Variants in DYNC1I1 observed in about 807,000 individuals in gnomAD.
DYNC1I1 encodes the protein cytoplasmic dynein 1 intermediate chain 1.
In DYNC1I1, 43 loss-of-function variants were observed where a neutral mutation model predicts 86.6. The ratio of observed to expected loss-of-function variants is 0.50; its 90% CI spans 0.39 to 0.64. DYNC1I1 has a LOEUF of 0.64. Ranked by LOEUF, DYNC1I1 falls within the 30% of genes least tolerant of loss-of-function variation. DYNC1I1 has a pLI of 0.00. For missense variants in DYNC1I1, 604 were observed against 788.8 expected, an observed-to-expected ratio of 0.77 and a Z score of 2.81; for synonymous variants, 262 against 283.7, an observed-to-expected ratio of 0.92 and a Z score of 0.77.
intron 14 of DYNC1I1, among the ~76,000 whole-genome samples, chr7:96,064,171 C>G (rs969048971): frequency 1.3e-5 from 2 of 151,272 alleles, no homozygotes. Flanking sequence ...CTTCTCCAGA[C>G]CAAACATATC....
chr7:95,924,954 C>A (rs1791705144), intron 6 of DYNC1I1, among the ~76,000 whole-genome samples: 2 of 152,184 alleles, frequency 1.3e-5, no homozygotes, highest in Non-Finnish European at 2.9e-5. Context: ...CCAAGGACAG[C>A]CCTCTGATCT....
At chr7:95,831,843 T>A (rs1218766620) in intron 5 of DYNC1I1, among the ~76,000 whole-genome samples, 1 of 151,882 alleles carries the variant, frequency 6.6e-6, no homozygotes. Flanking sequence ...TCAGGTAATT[T>A]GTAATTTTGC....
rs576336106 is a variant in DYNC1I1, at chr7:95,937,502, G to A, written c.491-40010G>A. 1.5e-3 allele frequency among the ~76,000 whole-genome samples: 203 copies of A among 138,568 alleles called. 1 individual carries two copies. In the Middle Eastern group the frequency reaches 0.017, roughly 12 times the overall value. 90.9% of individuals were successfully genotyped at this position (138,568 alleles called of 152,430 possible). ...ATGTATGGACCTTAATTTAATCTTC[G>A]TTCAAAAAAAAAAAAGCACCTATGA... is the stretch of plus-strand genomic sequence containing the variant. On this transcript the variant is annotated intron_variant, in intron 6 of 16. Transcript: ENST00000447467.
intron 1 of DYNC1I1, among the ~76,000 whole-genome samples, chr7:95,775,606 T>A (rs983350): frequency 0.34 from 51,156 of 152,116 alleles, 8,991 homozygotes; most frequent in South Asian, 0.51. Context: ...TTTTTGCCAG[T>A]TGATTGGTAA....
chr7:95,870,023 T>A, intron 6 of DYNC1I1, 25 bp downstream of exon 6: 1 of 1,586,438 alleles, frequency 6.3e-7, no homozygotes, highest in Non-Finnish European at 8.6e-7. Flanking sequence ...TGGCTTACTT[T>A]CCATATTATC....
intron 9 of DYNC1I1, among the ~76,000 whole-genome samples, chr7:95,992,642 C>T (rs928636617): frequency 1.5e-4 from 22 of 150,976 alleles, no homozygotes; most frequent in South Asian, 2.1e-4. Flanking sequence ...TTTTTTTTGA[C>T]GGAGTCTTAC....
At chr7:95,922,280 CATATTTCAAACGTT>C (rs1313055549) in intron 6 of DYNC1I1, among the ~76,000 whole-genome samples, 1 of 151,880 alleles carries the variant, frequency 6.6e-6, no homozygotes, top group African/African-American at 2.4e-5. Context: ...TATTTGGAAA[CATATTTCAAACGTT>C]ACTCTAGAGT....
rs1290258254 is a variant in DYNC1I1 at position 96,073,085 on chromosome 7, A to G, written c.1510-2972A>G. ...CAACCTACATGGTACTTTGATAACA[A>G]GTTCAATCAATCCTGATCAAGACTT... is the stretch of plus-strand genomic sequence containing the variant. On this transcript the variant is annotated intron_variant, in intron 14 of 16. Transcript: ENST00000447467. Among the ~76,000 whole-genome samples, 4 of 152,340 alleles carry G rather than the reference A, an allele frequency of 2.6e-5. No homozygotes were observed. In the East Asian group the frequency reaches 7.7e-4, roughly 29 times the overall value.
At chr7:95,822,145 A>G (rs1029355957) in intron 4 of DYNC1I1, among the ~76,000 whole-genome samples, 2 of 152,196 alleles carry the variant, frequency 1.3e-5, no homozygotes, top group African/African-American at 4.8e-5. Context: ...CCTAAGTTAC[A>G]CTTTCAACAG....
At chr7:96,080,520 T>C (rs1171912454) in intron 16 of DYNC1I1, 32 bp downstream of exon 16, 1 of 1,614,102 alleles carries the variant, frequency 6.2e-7, no homozygotes, top group African/African-American at 1.3e-5. Context: ...TGTTACTGTT[T>C]TGACTTGTGT....
At chr7:95,824,702 C>A (rs945918761) in intron 4 of DYNC1I1, among the ~76,000 whole-genome samples, 3 of 152,082 alleles carry the variant, frequency 2.0e-5, no homozygotes, top group South Asian at 2.1e-4. Flanking sequence ...AGGCCTGCAC[C>A]CTCATTTGCT....
chr7:96,109,577 GTTGTGTTTTCATTTTCAT>G (rs1345476781), intron 16 of DYNC1I1, among the ~76,000 whole-genome samples: 8 of 151,916 alleles, frequency 5.3e-5, no homozygotes, highest in Non-Finnish European at 1.0e-4. Context: ...ATTTTTATAT[GTTGTGTTTTCATTTTCAT>G]TCAGTTCAGA....
At chr7:96,079,153 T>C (rs1790436504) in intron 15 of DYNC1I1, among the ~76,000 whole-genome samples, 4 of 152,138 alleles carry the variant, frequency 2.6e-5, no homozygotes, top group Admixed American at 2.6e-4. Flanking sequence ...ATTGCTATTT[T>C]AAAGATAGGT....
At chr7:95,896,630 T>C (rs1463287935) in intron 6 of DYNC1I1, among the ~76,000 whole-genome samples, 1 of 152,188 alleles carries the variant, frequency 6.6e-6, no homozygotes, top group Non-Finnish European at 1.5e-5. Context: ...TCCCATACTC[T>C]TTCCCCTAAA....
chr7:96,078,670 A>G (rs2116258505), intron 15 of DYNC1I1, among the ~76,000 whole-genome samples: 1 of 152,238 alleles, frequency 6.6e-6, no homozygotes, highest in South Asian at 2.1e-4. Flanking sequence ...TCGTATTAAG[A>G]TTAAACATTT....
At chr7:96,051,817 T>A (rs1040484947) in intron 14 of DYNC1I1, among the ~76,000 whole-genome samples, 2 of 152,212 alleles carry the variant, frequency 1.3e-5, no homozygotes, top group Non-Finnish European at 2.9e-5. Context: ...AAAGAATAAT[T>A]TGAATTTTAT....
At chr7:95,857,926 T>C (rs1443661319) in intron 5 of DYNC1I1, among the ~76,000 whole-genome samples, 1 of 152,244 alleles carries the variant, frequency 6.6e-6, no homozygotes, top group East Asian at 1.9e-4. Context: ...TCTAGCCTTT[T>C]CTTTCAACGT....
intron 5 of DYNC1I1, among the ~76,000 whole-genome samples, chr7:95,862,694 C>T (rs1024485373): frequency 6.6e-6 from 1 of 152,126 alleles, no homozygotes; most frequent in African/African-American, 2.4e-5. Flanking sequence ...CCCAGCAGCT[C>T]CACTCCTAGA....
intron 10 of DYNC1I1, among the ~76,000 whole-genome samples, chr7:96,010,002 C>T (rs1794235880): frequency 6.6e-6 from 1 of 152,072 alleles, no homozygotes; most frequent in Admixed American, 6.6e-5. Flanking sequence ...TGATCTCAAA[C>T]TCCCGACCTC....
Sources: gnomAD v4.1 joint callset for allele counts (sites outside exome capture counted in the v4.1 genomes callset) on GRCh38, gnomAD v4.1.1 for gene constraint, MANE v1.5 for transcripts, NCBI Gene and HGNC (gene_info 2026-07-23, HGNC 2026-07-21) for gene names.